LIN52: variants seen among roughly 807,000 people sequenced by gnomAD.
The protein encoded by LIN52 is lin-52 DREAM MuvB core complex component, also known as protein lin-52 homolog.
A neutral mutation model predicts 18.5 loss-of-function variants in LIN52; 4 were observed. The observed-to-expected ratio is 0.22, with a 90% CI of 0.11 to 0.49. The LOEUF is 0.49. LIN52 is among the 20% of genes least tolerant of loss of function. LIN52 has a pLI of 0.97. For synonymous variants in LIN52, 34 were observed against 45.5 expected (o/e 0.75, Z 1.02); for missense variants, 102 against 139.5 (o/e 0.73, Z 1.35).
chr14:74,199,176 A>G lies in LIN52; in HGVS notation c.*199A>G. 2.2e-6 allele frequency: 1 copy of G among 460,994 alleles called. No individual in the cohort carries two copies. Among genetic ancestry groups the G allele is most frequent in the Admixed American group, 4.0e-5 (1 of 25,258 alleles). The allele number at this position is 460,994 out of a possible 1,614,324, so 28.6% of individuals were successfully genotyped here. A position where few individuals can be genotyped will look rare whatever the true frequency, so the allele number is the denominator to read the frequency against. On this transcript the variant is annotated 3_prime_UTR_variant, in exon 6 of 6. Coordinates refer to ENST00000555028, the MANE Select transcript of LIN52 (RefSeq NM_001024674.3). Reference sequence around the variant, plus strand: ...GAAGAATCTGCTCTACCCAAGGATCATTGCAGTTACTCAATCAACTTTCAG... The same window carrying G: ...GAAGAATCTGCTCTACCCAAGGATCGTTGCAGTTACTCAATCAACTTTCAG...
intron 1 of LIN52, among the ~76,000 whole-genome samples, chr14:74,089,795 A>G (rs2060759961): frequency 7.0e-6 from 1 of 142,236 alleles, no homozygotes; most frequent in African/African-American, 2.7e-5. Context: ...ACAGATGAAG[A>G]TAAAAGTCCT....
chr14:74,101,295 C>G, intron 5 of LIN52, 57 bp downstream of exon 5: 1 of 1,218,426 alleles, frequency 8.2e-7, no homozygotes, highest in Non-Finnish European at 1.1e-6. Context: ...CTGTGTATTC[C>G]ACCCTGAGCT....
rs560732296 is a variant in LIN52 at position 74,195,419 on chromosome 14, T to A, written c.284-3503T>A. The stretch of plus-strand genomic sequence containing the variant: ...AATAGAAATGGCTTTCTCTTCTCTG[T>A]AAGCAGGCAGTAGTCATCTCTAAAG... On this transcript the variant is annotated intron_variant, in intron 5 of 5. Coordinates refer to ENST00000555028, the MANE Select transcript of LIN52 (RefSeq NM_001024674.3). 1.3e-4 allele frequency among the ~76,000 whole-genome samples: 20 copies of A among 152,334 alleles called. No individual in the cohort carries two copies. In the South Asian group the frequency reaches 1.7e-3, roughly 13 times the overall value.
intron 5 of LIN52, among the ~76,000 whole-genome samples, chr14:74,172,978 G>A (rs762673173): frequency 3.3e-5 from 5 of 152,054 alleles, no homozygotes; most frequent in East Asian, 3.8e-4. Flanking sequence ...CAATAAATAC[G>A]TATTGAATGA....
chr14:74,162,977 G>A (rs2139566806), intron 5 of LIN52, among the ~76,000 whole-genome samples: 1 of 152,212 alleles, frequency 6.6e-6, no homozygotes, highest in South Asian at 2.1e-4. Flanking sequence ...TTGAATAGAT[G>A]GAATCATTTT....
chr14:74,105,772 A>C (rs1321474017), intron 5 of LIN52, among the ~76,000 whole-genome samples: 3 of 152,188 alleles, frequency 2.0e-5, no homozygotes, highest in Non-Finnish European at 4.4e-5. Flanking sequence ...AAATATCTGC[A>C]CTGATAAAGA....
rs930680101 is a variant in LIN52, at chr14:74,201,423, G to A, written c.*2446G>A. On this transcript the variant is annotated 3_prime_UTR_variant, in exon 6 of 6. Coordinates refer to ENST00000555028, the MANE Select transcript of LIN52 (RefSeq NM_001024674.3). ...TCTATCCTACCACTGCCCAACACCC[G>A]AAAGTAGTATTTAGAAACCCTTAAT... 3.9e-5 allele frequency among the ~76,000 whole-genome samples: 6 copies of A among 152,086 alleles called. No individual in the cohort carries two copies. Among genetic ancestry groups the A allele is most frequent in the African/African-American group, 9.7e-5 (4 of 41,410 alleles).
At chr14:74,151,412 A>G (rs186852658) in intron 5 of LIN52, among the ~76,000 whole-genome samples, 2 of 152,260 alleles carry the variant, frequency 1.3e-5, no homozygotes, top group African/African-American at 4.8e-5. Context: ...CCTGTCATAT[A>G]TTTAGGAAGA....
At chr14:74,118,800 A>T (rs2060979587) in intron 5 of LIN52, among the ~76,000 whole-genome samples, 1 of 152,154 alleles carries the variant, frequency 6.6e-6, no homozygotes, top group African/African-American at 2.4e-5. Flanking sequence ...TCTAGTACAT[A>T]AATACAAAAT....
At chr14:74,177,446 T>A (rs951328630) in intron 5 of LIN52, among the ~76,000 whole-genome samples, 7 of 152,116 alleles carry the variant, frequency 4.6e-5, no homozygotes, top group Non-Finnish European at 7.4e-5. Context: ...AAGTTTTAAC[T>A]TAATGTGAGA....
rs957060941 is a variant in LIN52, at chr14:74,199,300, G to C, written c.*323G>C. ...TCTCATTTCTGGAAGTGATTCAGGAGCCCCAGGATCTTACGGTTGATTTGA... is the reference window on the plus strand; with the variant it reads ...TCTCATTTCTGGAAGTGATTCAGGACCCCCAGGATCTTACGGTTGATTTGA... On this transcript the variant is annotated 3_prime_UTR_variant, in exon 6 of 6. Coordinates refer to ENST00000555028, the MANE Select transcript of LIN52 (RefSeq NM_001024674.3). 4.5e-5 allele frequency: 10 copies of C among 223,280 alleles called. No individual in the cohort carries two copies. The highest frequency in any genetic ancestry group is 3.7e-4 in the East Asian group (4 of 10,756). The allele number at this position is 223,280 out of a possible 1,614,324, so 13.8% of individuals were successfully genotyped here.
At chr14:74,195,477 G>A (rs79933959) in intron 5 of LIN52, among the ~76,000 whole-genome samples, 2,842 of 152,192 alleles carry the variant, frequency 0.019, 88 homozygotes, top group African/African-American at 0.065. Flanking sequence ...AATTCCTGAT[G>A]GGAGCTTAAA....
intron 5 of LIN52, among the ~76,000 whole-genome samples, chr14:74,117,403 A>G (rs963274583): frequency 6.6e-6 from 1 of 152,030 alleles, no homozygotes; most frequent in African/African-American, 2.4e-5. Context: ...GCAAAGAACC[A>G]TTTGGAATGT....
chr14:74,156,520 A>C (rs1170570647), intron 5 of LIN52, among the ~76,000 whole-genome samples: 1 of 152,200 alleles, frequency 6.6e-6, no homozygotes, highest in Middle Eastern at 3.2e-3. Flanking sequence ...TTTAATTGAC[A>C]CATAATAATT....
At chr14:74,144,128 T>G (rs1173779656) in intron 5 of LIN52, among the ~76,000 whole-genome samples, 27 of 7,966 alleles carry the variant, frequency 3.4e-3, no homozygotes, top group African/African-American at 7.1e-3. Flanking sequence ...TATTCTTCAA[T>G]TTTTTTTTTT....
intron 5 of LIN52, among the ~76,000 whole-genome samples, chr14:74,166,596 A>C (rs900411490): frequency 7.9e-5 from 12 of 152,244 alleles, no homozygotes; most frequent in Non-Finnish European, 1.6e-4. Flanking sequence ...TCCAAAATAT[A>C]TAATTCATTT....
rs915020579 is a variant in LIN52, at chr14:74,150,569, G to A, written c.284-48353G>A. ...GGGGCCTGAGGAAGAGGCTTCTGCA[G>A]TGGTGGTAATGATTCTCTATGTACC... On this transcript the variant is annotated intron_variant, in intron 5 of 5. Transcript: ENST00000555028. Among the ~76,000 whole-genome samples, 5 of 152,196 alleles carry A rather than the reference G, an allele frequency of 3.3e-5. No individual in the cohort carries two copies. In the East Asian group the frequency reaches 9.6e-4, roughly 29 times the overall value.
At chr14:74,141,321 A>G (rs1485940087) in intron 5 of LIN52, among the ~76,000 whole-genome samples, 5 of 152,210 alleles carry the variant, frequency 3.3e-5, no homozygotes, top group African/African-American at 1.2e-4. Flanking sequence ...CATAATATAC[A>G]TACTGTTTTG....
At chr14:74,113,084 A>G (rs981760086) in intron 5 of LIN52, among the ~76,000 whole-genome samples, 4 of 152,200 alleles carry the variant, frequency 2.6e-5, no homozygotes, top group African/African-American at 9.7e-5. Context: ...TAATATTTGC[A>G]ATTTCTGGAA....
Sources: allele counts gnomAD v4.1 joint callset (sites outside exome capture counted in the v4.1 genomes callset), GRCh38; gene constraint gnomAD v4.1.1; transcripts MANE v1.5; gene names NCBI Gene and HGNC (gene_info 2026-07-23, HGNC 2026-07-21).